GSE1: variants seen among roughly 807,000 people sequenced by gnomAD.
GSE1 encodes the protein Gse1 coiled-coil protein.
Under a neutral mutation model 112.6 loss-of-function variants are expected in GSE1, and 32 were observed. The observed-to-expected ratio is 0.28, with a 90% CI of 0.21 to 0.38. GSE1 has a LOEUF of 0.38. Ranked by LOEUF, GSE1 falls within the 10% of genes least tolerant of loss-of-function variation. The pLI, the probability that GSE1 is intolerant of heterozygous loss-of-function variation, is 1.00. For missense variants in GSE1, 2,348 were observed against 1,699.2 expected, an observed-to-expected ratio of 1.38 and a Z score of -6.71; for synonymous variants, 1,115 against 735.6, an observed-to-expected ratio of 1.52 and a Z score of -8.35.
intron 1 of GSE1, among the ~76,000 whole-genome samples, chr16:85,289,638 G>C (rs1288333735): frequency 1.3e-5 from 2 of 152,204 alleles, no homozygotes; most frequent in African/African-American, 4.8e-5. Context: ...CCTGGCTTAG[G>C]GGCTTAGGGT....
At chr16:85,621,611 G>C (rs2048748229) in intron 1 of GSE1, among the ~76,000 whole-genome samples, 1 of 152,188 alleles carries the variant, frequency 6.6e-6, no homozygotes, top group Admixed American at 6.5e-5. Flanking sequence ...TAAGCAGCTG[G>C]TTTCCAGGTT....
intron 2 of GSE1, among the ~76,000 whole-genome samples, chr16:85,478,927 C>CCTTTCTT (rs2050578732): frequency 1.4e-4 from 4 of 28,060 alleles, no homozygotes; most frequent in African/African-American, 6.1e-4. Flanking sequence ...TTCTTTCTTT[C>CCTTTCTT]TCTTTCTTTC....
At chr16:85,513,562 A>G (rs2051818259) in intron 2 of GSE1, among the ~76,000 whole-genome samples, 1 of 151,902 alleles carries the variant, frequency 6.6e-6, no homozygotes, top group African/African-American at 2.4e-5. Context: ...ACACATTCCC[A>G]GGCTTCACTG....
At chr16:85,185,886 G>C (rs2074689677) in intron 1 of GSE1, among the ~76,000 whole-genome samples, 1 of 152,240 alleles carries the variant, frequency 6.6e-6, no homozygotes, top group African/African-American at 2.4e-5. Flanking sequence ...TTGTCTAGGA[G>C]ATGTTTATGG....
chr16:85,551,942 C>T (rs1432767683), upstream of GSE1, among the ~76,000 whole-genome samples: 1 of 152,236 alleles, frequency 6.6e-6, no homozygotes, highest in Non-Finnish European at 1.5e-5. Flanking sequence ...CCCTCTCCTT[C>T]CTGGTCTGGC....
intron 1 of GSE1, among the ~76,000 whole-genome samples, chr16:85,559,863 G>GC (rs748706113): frequency 4.6e-5 from 7 of 152,090 alleles, no homozygotes; most frequent in Non-Finnish European, 7.3e-5. Flanking sequence ...CATTATAATG[G>GC]CCAAGCTGAG....
chr16:85,213,394 A>C (rs1042661130), intron 1 of GSE1, among the ~76,000 whole-genome samples: 1 of 152,076 alleles, frequency 6.6e-6, no homozygotes, highest in Non-Finnish European at 1.5e-5. Flanking sequence ...TGGAGACTGT[A>C]GTGAGCTATC....
chr16:85,654,746 AGGTGTGCACT>A, intron 4 of GSE1, 38 bp from the exon 5 acceptor site: 6 of 1,153,128 alleles, frequency 5.2e-6, no homozygotes, highest in Non-Finnish European at 7.7e-6. Context: ...ATGCAGGAGC[AGGTGTGCACT>A]CACCTGTCCC....
chr16:85,602,245 G>A (rs73271235), intron 1 of GSE1, among the ~76,000 whole-genome samples: 3,665 of 152,246 alleles, frequency 0.024, 131 homozygotes, highest in African/African-American at 0.072. Flanking sequence ...GCCGAGGCGG[G>A]GGCCAGGCAG....
chr16:85,657,630 G>C, intron 8 of GSE1, 26 bp downstream of exon 8: 1 of 1,451,346 alleles, frequency 6.9e-7, no homozygotes, highest in Non-Finnish European at 9.2e-7. Flanking sequence ...GAAGGAAGGA[G>C]GGATGAGCCT....
At chr16:85,615,197 T>C (rs1256392611) in intron 1 of GSE1, among the ~76,000 whole-genome samples, 1 of 152,190 alleles carries the variant, frequency 6.6e-6, no homozygotes, top group Non-Finnish European at 1.5e-5. Context: ...TGTGCCTGAC[T>C]CAGCCGCCAC....
intron 2 of GSE1, among the ~76,000 whole-genome samples, chr16:85,443,441 A>G (rs1597773641): frequency 6.6e-6 from 1 of 152,252 alleles, no homozygotes; most frequent in East Asian, 1.9e-4. Context: ...AGCTAGGACA[A>G]TGACCTTCCT....
rs904717042 is a variant in GSE1 at position 85,563,239 on chromosome 16, T to C, written c.37+6876T>C. Among the ~76,000 whole-genome samples, 7 of 152,104 alleles carry C rather than the reference T, an allele frequency of 4.6e-5. No homozygotes were observed. The East Asian group carries it at 5.8e-4, about 13-fold the overall frequency. ...GCGCCATATAGATTTAAAGTCCTTT[T>C]GTTAATTTAGGAACATAAAACCGTG... On this transcript the variant is annotated intron_variant, in intron 1 of 2. Transcript: ENST00000635906.
At chr16:85,485,757 G>A (rs551104837) in intron 2 of GSE1, among the ~76,000 whole-genome samples, 442 of 152,274 alleles carry the variant, frequency 2.9e-3, no homozygotes, top group Middle Eastern at 0.014. Flanking sequence ...CCTCGCTCCT[G>A]GGGAGCCTGA....
intron 8 of GSE1, 28 bp downstream of exon 8, chr16:85,657,632 G>A: frequency 2.1e-6 from 3 of 1,442,892 alleles, no homozygotes; most frequent in East Asian, 2.4e-5. Flanking sequence ...AGGAAGGAGG[G>A]ATGAGCCTTC....
intron 1 of GSE1, among the ~76,000 whole-genome samples, chr16:85,221,354 C>G: frequency 6.6e-6 from 1 of 152,020 alleles, no homozygotes; most frequent in East Asian, 1.9e-4. Flanking sequence ...CATGCACACA[C>G]ACACACCATG....
chr16:85,464,028 C>T (rs1426011744), intron 2 of GSE1, among the ~76,000 whole-genome samples: 2 of 152,134 alleles, frequency 1.3e-5, no homozygotes, highest in Admixed American at 1.3e-4. Context: ...CCTTCGGGCC[C>T]CTTACCTGCG....
Position 85,671,439 on chromosome 16 carries a change from C to CAGAAAAAAAA in GSE1, c.3519+342_3519+343insGAAAAAAAAA, listed in dbSNP as rs1474982638. 1.1e-4 allele frequency among the ~76,000 whole-genome samples: 7 copies of CAGAAAAAAAA among 61,324 alleles called. No homozygotes were observed. The East Asian group carries it at 5.3e-3, about 46-fold the overall frequency. The allele number at this position is 61,324 out of a possible 152,430, so 40.2% of individuals were successfully genotyped here. A position where few individuals can be genotyped will look rare whatever the true frequency, so the allele number is the denominator to read the frequency against. ...TGGGCGACAGAGCGAGACTCCGTCTCAAAAAAAAAAAAAAAAAAGATCAAA... is the reference window on the plus strand; with the variant it reads ...TGGGCGACAGAGCGAGACTCCGTCTCAGAAAAAAAAAAAAAAAAAAAAAAAAAAGATCAAA... On this transcript the variant is annotated intron_variant, in intron 15 of 15. Coordinates refer to ENST00000253458, the MANE Select transcript of GSE1 (RefSeq NM_014615.5).
At chr16:85,348,047 T>C (rs905753916) in intron 1 of GSE1, among the ~76,000 whole-genome samples, 1 of 152,090 alleles carries the variant, frequency 6.6e-6, no homozygotes, top group Non-Finnish European at 1.5e-5. Flanking sequence ...TAAGTTGGAG[T>C]GCACAGCTGC....
Sources: gnomAD v4.1 joint callset for allele counts (sites outside exome capture counted in the v4.1 genomes callset) on GRCh38, gnomAD v4.1.1 for gene constraint, MANE v1.5 for transcripts, NCBI Gene and HGNC (gene_info 2026-07-23, HGNC 2026-07-21) for gene names.